FSTL4: variants seen among roughly 807,000 people sequenced by gnomAD.
FSTL4 encodes follistatin like 4.
In FSTL4, 28 loss-of-function variants were observed where a neutral mutation model predicts 78.2. That is an observed-to-expected ratio of 0.36 (90% CI 0.27 to 0.49). FSTL4 has a LOEUF of 0.49. FSTL4 is among the 20% of genes least tolerant of loss of function. The pLI is 0.98. For synonymous variants in FSTL4, 422 were observed against 440.5 expected (o/e 0.96, Z 0.53); for missense variants, 922 against 1,084.9 (o/e 0.85, Z 2.11).
At chr5:133,814,664 T>G in the FSTL4 span, among the ~76,000 whole-genome samples, 1 of 152,112 alleles carries the variant, frequency 6.6e-6, no homozygotes, top group Non-Finnish European at 1.5e-5. Flanking sequence ...AAAAGCAGCA[T>G]TAAAGGCAAG....
At chr5:133,565,953 A>T (rs1275521481) in intron 3 of FSTL4, among the ~76,000 whole-genome samples, 1 of 152,210 alleles carries the variant, frequency 6.6e-6, no homozygotes, top group Non-Finnish European at 1.5e-5. Flanking sequence ...TGGTCACAGT[A>T]CCCATTGTGA....
At chr5:133,577,056 AAG>A (rs1760299167) in intron 2 of FSTL4, among the ~76,000 whole-genome samples, 1 of 152,214 alleles carries the variant, frequency 6.6e-6, no homozygotes, top group African/African-American at 2.4e-5. Context: ...TGCACACAGT[AAG>A]AGTTTTGCAC....
At chr5:133,398,962 G>A (rs541730568) in intron 4 of FSTL4, among the ~76,000 whole-genome samples, 1 of 152,204 alleles carries the variant, frequency 6.6e-6, no homozygotes, top group East Asian at 1.9e-4. Context: ...AAGCAGAACT[G>A]AGCCCTGATC....
At chr5:133,326,956 T>C (rs1754228258) in intron 4 of FSTL4, among the ~76,000 whole-genome samples, 1 of 152,184 alleles carries the variant, frequency 6.6e-6, no homozygotes, top group African/African-American at 2.4e-5. Flanking sequence ...GAGCTTTCCC[T>C]GGAACACTCC....
At chr5:133,622,967 T>C in the FSTL4 span, among the ~76,000 whole-genome samples, 2 of 152,122 alleles carry the variant, frequency 1.3e-5, no homozygotes, top group South Asian at 2.1e-4. Context: ...CAAGTCTAAA[T>C]ACAAAATCCC....
intron 2 of FSTL4, among the ~76,000 whole-genome samples, chr5:133,590,680 TGCTC>T (rs1760604410): frequency 2.0e-5 from 3 of 152,142 alleles, no homozygotes; most frequent in Non-Finnish European, 4.4e-5. Flanking sequence ...CACCAAAGCC[TGCTC>T]CCCTTTAGTG....
At chr5:133,431,484 G>A (rs145448512) in intron 3 of FSTL4, among the ~76,000 whole-genome samples, 12 of 152,290 alleles carry the variant, frequency 7.9e-5, no homozygotes, top group African/African-American at 2.6e-4. Flanking sequence ...AGGAGAGACC[G>A]GGAGGAGATA....
the FSTL4 span, among the ~76,000 whole-genome samples, chr5:133,838,051 C>A: frequency 1.3e-5 from 2 of 152,102 alleles, no homozygotes; most frequent in African/African-American, 2.4e-5. Context: ...CCACACCCAG[C>A]TAATTTTTGC....
At chr5:133,711,756 C>T in the FSTL4 span, among the ~76,000 whole-genome samples, 8 of 152,178 alleles carry the variant, frequency 5.3e-5, no homozygotes, top group Non-Finnish European at 8.8e-5. Context: ...AAAATACTTT[C>T]GTGTGATACA....
At chr5:133,230,006 C>T (rs1751446540) in intron 8 of FSTL4, among the ~76,000 whole-genome samples, 1 of 152,220 alleles carries the variant, frequency 6.6e-6, no homozygotes, top group African/African-American at 2.4e-5. Context: ...CCTCTCACTT[C>T]ACCCAGGAAG....
At chr5:133,320,821 C>T (rs1038166771) in intron 4 of FSTL4, among the ~76,000 whole-genome samples, 2 of 152,012 alleles carry the variant, frequency 1.3e-5, no homozygotes, top group East Asian at 1.9e-4. Context: ...TCCTGGCTAA[C>T]ACGGTGAAAC....
At chr5:133,290,911 C>T (rs1226372119) in intron 6 of FSTL4, among the ~76,000 whole-genome samples, 1 of 152,208 alleles carries the variant, frequency 6.6e-6, no homozygotes, top group African/African-American at 2.4e-5. Context: ...CTGGCCAGCC[C>T]GTCAGGGAGG....
At position 133,198,917 on chromosome 5, in the gene FSTL4, C is replaced by T. The variant is rs182483019; in HGVS notation, c.*178G>A. ...AAATCATACTTCCTAACGAAAAAAC[C>T]CCAATCTTGGTAGCAGCGCATACCT... On this transcript the variant is annotated 3_prime_UTR_variant, in exon 16 of 16. Transcript: ENST00000265342. The T allele has an allele frequency of 6.3e-6, 3 of 478,186 alleles. No homozygotes were observed. In the East Asian group the frequency reaches 8.9e-5, roughly 14 times the overall value. The allele number at this position is 478,186 out of a possible 1,614,324, so 29.6% of individuals were successfully genotyped here.
At chr5:133,822,960 C>T in the FSTL4 span, among the ~76,000 whole-genome samples, 1 of 152,198 alleles carries the variant, frequency 6.6e-6, no homozygotes, top group Non-Finnish European at 1.5e-5. Context: ...CAGACAGTCT[C>T]TCTGCCCTGG....
intron 3 of FSTL4, among the ~76,000 whole-genome samples, chr5:133,524,883 T>C (rs1423636659): frequency 6.6e-5 from 10 of 152,184 alleles, no homozygotes; most frequent in Admixed American, 5.9e-4. Context: ...AGGACTGAAT[T>C]TGGCCTCACT....
intron 3 of FSTL4, among the ~76,000 whole-genome samples, chr5:133,484,554 C>A (rs1413570037): frequency 6.6e-6 from 1 of 152,184 alleles, no homozygotes; most frequent in Non-Finnish European, 1.5e-5. Flanking sequence ...TAAAACAGGT[C>A]ATCTTAGAAT....
intron 4 of FSTL4, among the ~76,000 whole-genome samples, chr5:133,318,858 C>G (rs1052192159): frequency 2.0e-5 from 3 of 152,226 alleles, no homozygotes; most frequent in Non-Finnish European, 2.9e-5. Flanking sequence ...CTGCCCTGGG[C>G]AAGATTCCTT....
intron 6 of FSTL4, among the ~76,000 whole-genome samples, chr5:133,300,533 C>T (rs886755771): frequency 6.6e-6 from 1 of 152,178 alleles, no homozygotes; most frequent in Non-Finnish European, 1.5e-5. Context: ...AGTATTCAGC[C>T]TGGGGCTTCC....
chr5:133,544,992 C>T (rs1471522677), intron 3 of FSTL4, among the ~76,000 whole-genome samples: 5 of 152,178 alleles, frequency 3.3e-5, no homozygotes, highest in Non-Finnish European at 7.4e-5. Flanking sequence ...GTATTTGTCC[C>T]TGGTTTCTGA....
Sources: allele counts gnomAD v4.1 joint callset (sites outside exome capture counted in the v4.1 genomes callset), GRCh38; gene constraint gnomAD v4.1.1; transcripts MANE v1.5; gene names NCBI Gene and HGNC (gene_info 2026-07-23, HGNC 2026-07-21).